Variants in PRKN observed in about 807,000 individuals in gnomAD.
PRKN encodes the protein E3 ubiquitin-protein ligase parkin.
In PRKN, 56 loss-of-function variants were observed where a neutral mutation model predicts 59.5. That is an observed-to-expected ratio of 0.94 (90% CI 0.76 to 1.18). The LOEUF is 1.18. PRKN is among the 50% of genes most tolerant of loss of function. The probability of loss-of-function intolerance (pLI) is 0.00; values close to 1 mark genes in which losing one functional copy is unlikely to be tolerated. For missense variants in PRKN, 657 were observed against 596.4 expected, an observed-to-expected ratio of 1.10 and a Z score of -1.06; for synonymous variants, 250 against 222.1, an observed-to-expected ratio of 1.13 and a Z score of -1.12.
At chr6:161,791,348 C>T (rs907150500) in intron 6 of PRKN, among the ~76,000 whole-genome samples, 2 of 152,188 alleles carry the variant, frequency 1.3e-5, no homozygotes, top group Admixed American at 6.5e-5. Context: ...TATGGTTACA[C>T]AGTGTTCCAA....
At chr6:161,991,341 G>A (rs368933613) in intron 5 of PRKN, among the ~76,000 whole-genome samples, 1 of 152,214 alleles carries the variant, frequency 6.6e-6, no homozygotes, top group East Asian at 1.9e-4. Flanking sequence ...AAGGAGAAAT[G>A]AAGGACTCAA....
At chr6:162,634,025 T>C (rs1434972716) in intron 1 of PRKN, among the ~76,000 whole-genome samples, 1 of 152,140 alleles carries the variant, frequency 6.6e-6, no homozygotes, top group African/African-American at 2.4e-5. Context: ...TCAACAAAAC[T>C]AACCAGCATT....
Position 161,385,506 on chromosome 6 carries a change from G to T in PRKN, c.1167+1288C>A, listed in dbSNP as rs1209243905. Reference sequence around the variant, plus strand: ...GACTGAAGAATGAATGGGATTAGAGGGAGGGTCAGGCGCCTGGATGGCTTT... The same window carrying T: ...GACTGAAGAATGAATGGGATTAGAGTGAGGGTCAGGCGCCTGGATGGCTTT... On this transcript the variant is annotated intron_variant, in intron 10 of 11. Transcript: ENST00000366898. The surrounding 1 kb of genome is among the most constrained non-coding windows in gnomAD (Gnocchi z 4.9). Among the ~76,000 whole-genome samples, 1 of 152,186 alleles carries T rather than the reference G, an allele frequency of 6.6e-6. No homozygotes were observed. Among genetic ancestry groups the T allele is most frequent in the African/African-American group, 2.4e-5 (1 of 41,432 alleles).
intron 2 of PRKN, among the ~76,000 whole-genome samples, chr6:162,442,009 G>A (rs1339605102): frequency 8.1e-5 from 12 of 147,494 alleles, no homozygotes; most frequent in Admixed American, 6.8e-5. Context: ...GACTGAAATA[G>A]AAAAAAAAAA....
chr6:162,004,141 T>C (rs937289496), intron 5 of PRKN, among the ~76,000 whole-genome samples: 1 of 152,158 alleles, frequency 6.6e-6, no homozygotes, highest in Non-Finnish European at 1.5e-5. Context: ...CACCGGATCA[T>C]GTGGTTGAAT....
intron 9 of PRKN, among the ~76,000 whole-genome samples, chr6:161,426,009 C>G (rs758117240): frequency 2.0e-5 from 3 of 152,056 alleles, no homozygotes; most frequent in Non-Finnish European, 2.9e-5. Flanking sequence ...TGTTCCCACA[C>G]TGGATGTTCA....
rs553082260 is a variant in PRKN, at chr6:162,679,932, T to C, written c.7+47730A>G. On this transcript the variant is annotated intron_variant, in intron 1 of 11. Coordinates refer to ENST00000366898, the MANE Select transcript of PRKN (RefSeq NM_004562.3). ...GGTCAGCAGTCTGAGGATCTTCATT[T>C]TAAATTTTCCCCTACTGTAACTCCC... is the stretch of plus-strand genomic sequence containing the variant. 3.3e-5 allele frequency among the ~76,000 whole-genome samples: 5 copies of C among 152,320 alleles called. No individual in the cohort carries two copies. The South Asian group carries it at 6.2e-4, about 19-fold the overall frequency.
chr6:162,150,340 C>A (rs1782214709), intron 4 of PRKN, among the ~76,000 whole-genome samples: 1 of 152,096 alleles, frequency 6.6e-6, no homozygotes, highest in Non-Finnish European at 1.5e-5. Context: ...AGTTTGGGGG[C>A]CTTCTCTGTT....
At chr6:162,718,439 C>T (rs1202445005) in intron 1 of PRKN, among the ~76,000 whole-genome samples, 3 of 152,096 alleles carry the variant, frequency 2.0e-5, no homozygotes, top group Admixed American at 6.5e-5. Context: ...AGGCCAGGCG[C>T]GGTGGCTCAT....
chr6:162,634,150 G>A (rs1777621531), intron 1 of PRKN, among the ~76,000 whole-genome samples: 2 of 152,106 alleles, frequency 1.3e-5, no homozygotes, highest in Admixed American at 1.3e-4. Flanking sequence ...CCTGGGCTTT[G>A]GCTGTTCTCC....
intron 5 of PRKN, 108 bp from the exon 6 acceptor site, chr6:161,973,525 C>G: frequency 1.4e-6 from 1 of 719,368 alleles, no homozygotes; most frequent in East Asian, 2.7e-5. Context: ...AAATCTGTTA[C>G]GAGGTGTGAG....
intron 2 of PRKN, among the ~76,000 whole-genome samples, chr6:162,394,978 C>T (rs1787400018): frequency 6.6e-6 from 1 of 152,130 alleles, no homozygotes. Context: ...TTATTATTTG[C>T]CTTAATATCT....
chr6:162,055,339 ATTTCAACCT>A (rs1194730066), intron 4 of PRKN, among the ~76,000 whole-genome samples: 1 of 152,208 alleles, frequency 6.6e-6, no homozygotes, highest in African/African-American at 2.4e-5. Flanking sequence ...AATACCTTCA[ATTTCAACCT>A]AAAATTCTGT....
At chr6:161,942,903 A>T (rs551988592) in intron 6 of PRKN, among the ~76,000 whole-genome samples, 9 of 152,340 alleles carry the variant, frequency 5.9e-5, no homozygotes, top group Admixed American at 2.6e-4. Flanking sequence ...GAGGCAAAAA[A>T]TTTAAAATAG....
intron 6 of PRKN, among the ~76,000 whole-genome samples, chr6:161,873,226 A>G (rs1794416680): frequency 6.6e-6 from 1 of 151,870 alleles, no homozygotes; most frequent in South Asian, 2.1e-4. Context: ...CCATCTCTGG[A>G]GCCTTTCCCG....
intron 1 of PRKN, among the ~76,000 whole-genome samples, chr6:162,486,004 C>G (rs1792521960): frequency 6.6e-6 from 1 of 152,172 alleles, no homozygotes; most frequent in African/African-American, 2.4e-5. Flanking sequence ...AAATTAATAT[C>G]TGACATTAAG....
At chr6:161,804,386 G>T (rs1791219329) in intron 6 of PRKN, among the ~76,000 whole-genome samples, 1 of 152,156 alleles carries the variant, frequency 6.6e-6, no homozygotes, top group Non-Finnish European at 1.5e-5. Context: ...AATCTTTGGG[G>T]CAGCTCCACC....
chr6:161,768,863 T>C (rs1789540379), intron 7 of PRKN, among the ~76,000 whole-genome samples: 1 of 152,218 alleles, frequency 6.6e-6, no homozygotes, highest in South Asian at 2.1e-4. Flanking sequence ...AGCCTACCAA[T>C]GCTATCAGTG....
chr6:162,707,187 T>G (rs928319982), intron 1 of PRKN, among the ~76,000 whole-genome samples: 1 of 152,196 alleles, frequency 6.6e-6, no homozygotes, highest in Admixed American at 6.5e-5. Flanking sequence ...AATTCTTATA[T>G]GAATATACTG....
Sources: gnomAD v4.1 joint callset for allele counts (sites outside exome capture counted in the v4.1 genomes callset) on GRCh38, gnomAD v4.1.1 for gene constraint, Gnocchi (gnomAD v3.1) non-coding constraint, MANE v1.5 for transcripts, NCBI Gene and HGNC (gene_info 2026-07-23, HGNC 2026-07-21) for gene names.